The following CREB5 variants were observed in gnomAD, a reference collection of about 807,000 sequenced individuals.
CREB5 encodes the protein cyclic AMP-responsive element-binding protein 5.
Under a neutral mutation model 57.1 loss-of-function variants are expected in CREB5, and 19 were observed. The ratio of observed to expected loss-of-function variants is 0.33; its 90% CI spans 0.23 to 0.49. CREB5 has a LOEUF of 0.49. Among genes scored for constraint, CREB5 ranks in the 20% least tolerant of loss-of-function variants. The pLI, the probability that CREB5 is intolerant of heterozygous loss-of-function variation, is 0.99. For missense variants in CREB5, 579 were observed against 671.6 expected (o/e 0.86, Z 1.52); for synonymous variants, 238 against 238.3 (o/e 1.00, Z 0.01).
rs961310435 is a variant in CREB5 at position 28,570,377 on chromosome 7, C to A, written c.304C>A (p.His102Asn). 3.1e-6 allele frequency: 5 copies of A among 1,613,446 alleles called. No homozygotes were observed. In the African/African-American group the frequency reaches 4.0e-5, roughly 13 times the overall value. Residue 102 changes from histidine (H) to asparagine (N), a missense_variant, in exon 5 of 11, where the codon CAT becomes AAT. This residue lies in a region of CREB5 where 459 missense variants were observed against 515.7 expected (regional missense o/e 0.89). Transcript: ENST00000357727. ...EESSKRNISM[H>N]NAVGGAMTGP... The stretch of plus-strand genomic sequence containing the variant: ...CTTCTCTGGGCAGAATATCTCGATG[C>A]ATAATGCAGTTGGTGGGGCCATGAC...
At chr7:28,722,291 G>C (rs565155511) in intron 6 of CREB5, among the ~76,000 whole-genome samples, 1 of 152,124 alleles carries the variant, frequency 6.6e-6, no homozygotes, top group Non-Finnish European at 1.5e-5. Flanking sequence ...ACAATTATCT[G>C]TACTTCTGAA....
At chr7:28,313,991 A>T (rs7781988) in intron 1 of CREB5, among the ~76,000 whole-genome samples, 1 of 152,202 alleles carries the variant, frequency 6.6e-6, no homozygotes. Flanking sequence ...GGCCATGCCA[A>T]AGCAACCCCC....
intron 5 of CREB5, among the ~76,000 whole-genome samples, chr7:28,592,207 C>A (rs1048265201): frequency 6.6e-6 from 1 of 152,172 alleles, no homozygotes; most frequent in East Asian, 1.9e-4. Context: ...ATTCGGTAAC[C>A]TAATGCAGGC....
Position 28,604,625 on chromosome 7 carries a change from A to G in CREB5, c.464+34088A>G, listed in dbSNP as rs139667815. Reference sequence around the variant, plus strand: ...TAAATAATAAAATAATAAATATTAAATAATAAAATAAAATAATAAGATAAT... The same window carrying G: ...TAAATAATAAAATAATAAATATTAAGTAATAAAATAAAATAATAAGATAAT... On this transcript the variant is annotated intron_variant, in intron 5 of 10. Coordinates refer to ENST00000357727, the MANE Select transcript of CREB5 (RefSeq NM_182898.4). Among the ~76,000 whole-genome samples the G allele has an allele frequency of 3.7e-3, 566 of 151,328 alleles. 5 individuals are homozygous for G. Among genetic ancestry groups the G allele is most frequent in the African/African-American group, 0.013 (522 of 41,460 alleles).
intron 5 of CREB5, among the ~76,000 whole-genome samples, chr7:28,588,388 TC>T (rs1796376980): frequency 6.6e-6 from 1 of 152,210 alleles, no homozygotes; most frequent in Non-Finnish European, 1.5e-5. Flanking sequence ...TGTGCTTTAT[TC>T]ATTTCTGAAT....
intron 1 of CREB5, among the ~76,000 whole-genome samples, chr7:28,451,386 G>A (rs1308430070): frequency 6.6e-6 from 1 of 151,740 alleles, no homozygotes; most frequent in Non-Finnish European, 1.5e-5. Context: ...GGTTATTCAG[G>A]TATTTTACAA....
At chr7:28,545,121 C>A (rs369541906) in intron 4 of CREB5, among the ~76,000 whole-genome samples, 20 of 152,128 alleles carry the variant, frequency 1.3e-4, no homozygotes, top group African/African-American at 3.6e-4. Flanking sequence ...CTGGAGACAG[C>A]CCTCTTCAAA....
chr7:28,507,692 GGAGCAC>G lies in CREB5; in HGVS notation c.250_255del (p.His84_Glu85del). On this transcript the variant is annotated inframe_deletion, in exon 4 of 11. Transcript: ENST00000357727. Reference sequence around the variant, plus strand: ...TCTTCAGCGAGCTGGACTGCTCCCTGGAGCACGAGTTCAGGAAGGCTCAGGAAGAGG... The same window carrying G: ...TCTTCAGCGAGCTGGACTGCTCCCTGGAGTTCAGGAAGGCTCAGGAAGAGG... 6.2e-7 allele frequency: 1 copy of G among 1,611,514 alleles called. No homozygotes were observed. The highest frequency in any genetic ancestry group is 1.3e-5 in the African/African-American group (1 of 75,006).
intron 7 of CREB5, among the ~76,000 whole-genome samples, chr7:28,751,567 T>G (rs1804975480): frequency 6.6e-6 from 1 of 152,220 alleles, no homozygotes; most frequent in African/African-American, 2.4e-5. Flanking sequence ...AGACACATGT[T>G]GTTTTTTCTT....
At chr7:28,675,063 A>T (rs1359901157) in intron 5 of CREB5, among the ~76,000 whole-genome samples, 1 of 152,134 alleles carries the variant, frequency 6.6e-6, no homozygotes, top group East Asian at 1.9e-4. Flanking sequence ...CTGTAGCCAT[A>T]TGTGGCTCCT....
intron 4 of CREB5, among the ~76,000 whole-genome samples, chr7:28,554,208 C>A (rs1176141460): frequency 1.3e-5 from 2 of 152,218 alleles, no homozygotes; most frequent in Non-Finnish European, 2.9e-5. Context: ...AGATTCTAGT[C>A]CTACTCTTGC....
chr7:28,712,980 G>T (rs1241222241), intron 5 of CREB5, among the ~76,000 whole-genome samples: 2 of 152,094 alleles, frequency 1.3e-5, no homozygotes, highest in African/African-American at 4.8e-5. Flanking sequence ...AAAGAAAAAA[G>T]TAGTTTGCCA....
rs1012457424 is a variant in CREB5 at position 28,491,105 on chromosome 7, G to A, written c.75+2859G>A. On this transcript the variant is annotated intron_variant, in intron 2 of 10. Transcript: ENST00000357727. ...TAATGAGTGAGTGGGTGGTGAGGAA[G>A]CGGAGGTGGCAAGCATAGAGAACTC... The A allele has an allele frequency of 1.0e-5, 6 of 574,090 alleles. No homozygotes were observed. The African/African-American group carries it at 1.2e-4, about 12-fold the overall frequency. 35.6% of individuals were successfully genotyped at this position (574,090 alleles called of 1,614,324 possible). A position where few individuals can be genotyped will look rare whatever the true frequency, so the allele number is the denominator to read the frequency against.
At chr7:28,506,228 C>G (rs551123191) in intron 3 of CREB5, among the ~76,000 whole-genome samples, 1 of 152,182 alleles carries the variant, frequency 6.6e-6, no homozygotes, top group African/African-American at 2.4e-5. Flanking sequence ...TTCTTTGAAT[C>G]AGACAATTTA....
chr7:28,485,463 G>T (rs997398993), intron 1 of CREB5, among the ~76,000 whole-genome samples: 3 of 151,788 alleles, frequency 2.0e-5, no homozygotes, highest in Non-Finnish European at 2.9e-5. Context: ...TTTATAAATA[G>T]ATAATATTTA....
chr7:28,576,905 G>T (rs2128653680), intron 5 of CREB5, among the ~76,000 whole-genome samples: 1 of 152,314 alleles, frequency 6.6e-6, no homozygotes. Context: ...GCACAAATGA[G>T]GGACTACTTC....
intron 2 of CREB5, among the ~76,000 whole-genome samples, chr7:28,490,443 G>A (rs1791748010): frequency 6.6e-6 from 1 of 152,194 alleles, no homozygotes; most frequent in Non-Finnish European, 1.5e-5. Flanking sequence ...AGGATTCCCA[G>A]CAACCTCCAG....
intron 5 of CREB5, among the ~76,000 whole-genome samples, chr7:28,618,825 G>A (rs1322451758): frequency 6.6e-6 from 1 of 152,172 alleles, no homozygotes; most frequent in African/African-American, 2.4e-5. Context: ...TTACTTTCTC[G>A]ATTTAATGAG....
Position 28,333,274 on chromosome 7 carries a change from A to G in CREB5, c.-25+33833A>G, listed in dbSNP as rs553387520. On this transcript the variant is annotated intron_variant, in intron 1 of 9. Transcript: ENST00000396299. ...TATACTTTTTAATTTTTGTGGTTAC[A>G]TAGTAGCTGTATATATTTATGGGTT... Among the ~76,000 whole-genome samples, 23 of 152,316 alleles carry G rather than the reference A, an allele frequency of 1.5e-4. No individual in the cohort carries two copies. In the East Asian group the frequency reaches 4.2e-3, roughly 28 times the overall value.
Sources: allele counts gnomAD v4.1 joint callset (sites outside exome capture counted in the v4.1 genomes callset), GRCh38; gene constraint gnomAD v4.1.1; regional missense constraint gnomAD v4.1.1; transcripts MANE v1.5; gene names NCBI Gene and HGNC (gene_info 2026-07-23, HGNC 2026-07-21).